Variants in KHDRBS2 observed in about 807,000 individuals in gnomAD.
KHDRBS2 encodes the protein KH RNA binding domain containing, signal transduction associated 2.
KHDRBS2 carries 26 observed loss-of-function variants against 44.3 expected under a neutral mutation model. That is an observed-to-expected ratio of 0.59 (90% confidence interval 0.43 to 0.81). The LOEUF (loss-of-function observed/expected upper bound fraction) is 0.81. KHDRBS2 is among the 40% of genes least tolerant of loss of function. The probability of loss-of-function intolerance (pLI) is 0.00; values close to 1 mark genes in which losing one functional copy is unlikely to be tolerated. For synonymous variants in KHDRBS2, 194 were observed against 151.1 expected (o/e 1.28, Z -2.08); for missense variants, 476 against 433.1 (o/e 1.10, Z -0.88).
rs188943441 is a variant in KHDRBS2, at chr6:62,193,428, T to C, written c.92-16116A>G. Among the ~76,000 whole-genome samples the C allele has an allele frequency of 2.6e-5, 4 of 152,214 alleles. No homozygotes were observed. The East Asian group carries it at 7.7e-4, about 29-fold the overall frequency. On this transcript the variant is annotated intron_variant, in intron 1 of 8. Transcript: ENST00000281156. Reference sequence around the variant, plus strand: ...GCCTCAGAAATGTAAATAGATCTCATATAAAACGATGAAACCACTTCCTAA... The same window carrying C: ...GCCTCAGAAATGTAAATAGATCTCACATAAAACGATGAAACCACTTCCTAA...
chr6:61,831,753 T>G (rs1791856724), intron 6 of KHDRBS2, among the ~76,000 whole-genome samples: 1 of 152,112 alleles, frequency 6.6e-6, no homozygotes, highest in Non-Finnish European at 1.5e-5. Context: ...AACAATTCCT[T>G]TTTGGCAAAG....
intron 8 of KHDRBS2, among the ~76,000 whole-genome samples, chr6:61,683,106 A>G (rs550830110): frequency 9.2e-5 from 14 of 152,008 alleles, no homozygotes; most frequent in African/African-American, 3.4e-4. Context: ...GAGACAATAG[A>G]GGCTTCAAGT....
rs1331181510 is a variant in KHDRBS2, at chr6:62,059,216, T to G, written c.220-11222A>C. ...TTAGGAAGTTTTTTTTTTTTTTTTTTTTTTTTTTTTTTTTTTTTGTGCTGA... is the reference window on the plus strand; with the variant it reads ...TTAGGAAGTTTTTTTTTTTTTTTTTGTTTTTTTTTTTTTTTTTTGTGCTGA... On this transcript the variant is annotated intron_variant, in intron 2 of 8. Coordinates refer to ENST00000281156, the MANE Select transcript of KHDRBS2 (RefSeq NM_152688.4). 1.9e-3 allele frequency among the ~76,000 whole-genome samples: 247 copies of G among 127,786 alleles called. 4 individuals are homozygous for G. Among genetic ancestry groups the G allele is most frequent in the African/African-American group, 6.9e-3 (240 of 34,618 alleles). The allele number at this position is 127,786 out of a possible 152,430, so 83.8% of individuals were successfully genotyped here. A position where few individuals can be genotyped will look rare whatever the true frequency, so the allele number is the denominator to read the frequency against.
At chr6:62,248,695 T>C (rs1241983083) in intron 1 of KHDRBS2, among the ~76,000 whole-genome samples, 1 of 152,108 alleles carries the variant, frequency 6.6e-6, no homozygotes, top group Admixed American at 6.6e-5. Flanking sequence ...GAGGGCATTG[T>C]ATCTTCATCT....
chr6:62,046,637 T>A (rs537668865), intron 3 of KHDRBS2, among the ~76,000 whole-genome samples: 1 of 152,104 alleles, frequency 6.6e-6, no homozygotes, highest in Admixed American at 6.6e-5. Flanking sequence ...ATGTGTCATT[T>A]TCTCCTCTTA....
chr6:61,838,906 A>C (rs1211535968), intron 6 of KHDRBS2, among the ~76,000 whole-genome samples: 1 of 152,080 alleles, frequency 6.6e-6, no homozygotes, highest in Non-Finnish European at 1.5e-5. Flanking sequence ...TGAGATTGAG[A>C]AGTTACTCAA....
At chr6:61,810,730 G>A (rs185395436) in intron 6 of KHDRBS2, among the ~76,000 whole-genome samples, 165 of 152,150 alleles carry the variant, frequency 1.1e-3, no homozygotes, top group Admixed American at 2.6e-3. Context: ...AATATTTAGA[G>A]AGGGACTGAG....
intron 2 of KHDRBS2, among the ~76,000 whole-genome samples, chr6:62,119,937 C>T (rs1270325465): frequency 1.0e-3 from 154 of 152,240 alleles, no homozygotes; most frequent in African/African-American, 3.5e-3. Context: ...AGAGTGTGAC[C>T]CACAAGGCAG....
chr6:62,131,792 G>A (rs147658868), intron 2 of KHDRBS2, among the ~76,000 whole-genome samples: 4 of 152,300 alleles, frequency 2.6e-5, no homozygotes, highest in African/African-American at 9.6e-5. Context: ...AGTAGATATG[G>A]AGAGAAGTAA....
At chr6:61,870,561 C>T (rs1798518744) in intron 6 of KHDRBS2, among the ~76,000 whole-genome samples, 2 of 152,070 alleles carry the variant, frequency 1.3e-5, no homozygotes, top group Admixed American at 1.3e-4. Context: ...GGTCTCTGAC[C>T]CCCATGTATC....
At chr6:61,769,631 G>A (rs1196332573) in intron 6 of KHDRBS2, among the ~76,000 whole-genome samples, 1 of 152,124 alleles carries the variant, frequency 6.6e-6, no homozygotes, top group Non-Finnish European at 1.5e-5. Flanking sequence ...GAGGCTGGGG[G>A]GGCGGCGCCC....
chr6:61,547,393 C>T, the KHDRBS2 span, among the ~76,000 whole-genome samples: 3 of 152,044 alleles, frequency 2.0e-5, no homozygotes, highest in African/African-American at 7.2e-5. Flanking sequence ...TATCTTCCTT[C>T]AATATTTTTG....
At chr6:61,697,140 G>A (rs1767991762) in intron 8 of KHDRBS2, 55 bp downstream of exon 8, 2 of 1,091,332 alleles carry the variant, frequency 1.8e-6, no homozygotes, top group African/African-American at 1.5e-5. Flanking sequence ...TGTTTGAATT[G>A]TCGGTGACTG....
At chr6:61,943,039 GAAGGAAGGGAGGGA>G (rs1812465731) in intron 4 of KHDRBS2, among the ~76,000 whole-genome samples, 1 of 140,622 alleles carries the variant, frequency 7.1e-6, no homozygotes, top group South Asian at 2.2e-4. Context: ...AGGAAGGAAA[GAAGGAAGGGAGGGA>G]AAGGAAGGAA....
At chr6:62,269,270 T>C (rs1260955622) in intron 1 of KHDRBS2, among the ~76,000 whole-genome samples, 1 of 97,354 alleles carries the variant, frequency 1.0e-5, no homozygotes, top group East Asian at 2.8e-4. Context: ...TAATAACTTC[T>C]CCTCTCTGAA....
chr6:62,032,884 A>C (rs1312819841), intron 3 of KHDRBS2, among the ~76,000 whole-genome samples: 2 of 152,010 alleles, frequency 1.3e-5, no homozygotes, highest in Admixed American at 6.6e-5. Context: ...ACCAAAGATC[A>C]ATCCTGGAGA....
intron 2 of KHDRBS2, among the ~76,000 whole-genome samples, chr6:62,080,566 G>A (rs1797195301): frequency 6.6e-6 from 1 of 152,096 alleles, no homozygotes; most frequent in Non-Finnish European, 1.5e-5. Context: ...TAAAATCTGA[G>A]CAGTGATGTG....
intron 4 of KHDRBS2, among the ~76,000 whole-genome samples, chr6:61,913,680 G>T (rs1026167384): frequency 4.6e-5 from 7 of 151,972 alleles, no homozygotes; most frequent in Non-Finnish European, 8.8e-5. Context: ...GTGAAAAAAA[G>T]AAACAGAGCA....
intron 6 of KHDRBS2, among the ~76,000 whole-genome samples, chr6:61,848,846 T>C (rs1053733821): frequency 6.6e-6 from 1 of 151,746 alleles, no homozygotes; most frequent in African/African-American, 2.4e-5. Context: ...TTTCGACCTA[T>C]GATAAGTTGA....
Sources: allele counts gnomAD v4.1 joint callset (sites outside exome capture counted in the v4.1 genomes callset), GRCh38; gene constraint gnomAD v4.1.1; transcripts MANE v1.5; gene names NCBI Gene and HGNC (gene_info 2026-07-23, HGNC 2026-07-21).